Variants in CHFR observed in about 807,000 individuals in gnomAD.
The protein encoded by CHFR is checkpoint with forkhead and ring finger domains.
Under a neutral mutation model 87.6 loss-of-function variants are expected in CHFR, and 57 were observed. The observed-to-expected ratio is 0.65, with a 90% CI of 0.53 to 0.81. CHFR has a LOEUF of 0.81. Among genes scored for constraint, CHFR ranks in the 30% least tolerant of loss-of-function variants. The pLI is 0.00. For missense variants in CHFR, 797 were observed against 865.8 expected (o/e 0.92, Z 1.00); for synonymous variants, 381 against 359.2 (o/e 1.06, Z -0.69).
At chr12:132,875,107 C>T (rs1489861641) in intron 3 of CHFR, among the ~76,000 whole-genome samples, 1 of 152,276 alleles carries the variant, frequency 6.6e-6, no homozygotes, top group Non-Finnish European at 1.5e-5. Flanking sequence ...GGGACCAGCA[C>T]CCTGCCTTTC....
Position 132,835,677 on chromosome 12 carries a change from A to C in CHFR, c.*5877T>G. On this transcript the variant is annotated 3_prime_UTR_variant, in exon 18 of 18. Transcript: ENST00000450056. ...CTGATCTCAGAGTTCCAGGCCCCAG[A>C]ACTGTGAGAAAATACTTTCTGTTGT... is the stretch of plus-strand genomic sequence containing the variant. 4.4e-6 allele frequency: 1 copy of C among 225,422 alleles called. No individual in the cohort carries two copies. Among genetic ancestry groups the C allele is most frequent in the Non-Finnish European group, 9.0e-6 (1 of 111,052 alleles). The allele number at this position is 225,422 out of a possible 1,614,324, so 14.0% of individuals were successfully genotyped here. A position where few individuals can be genotyped will look rare whatever the true frequency, so the allele number is the denominator to read the frequency against.
At chr12:132,848,352 C>A in intron 13 of CHFR, 197 bp from the exon 14 acceptor site, 2 of 1,009,708 alleles carry the variant, frequency 2.0e-6, no homozygotes, top group Non-Finnish European at 1.5e-6. Context: ...AAAAGATCAG[C>A]TCTCCGAGTC....
intron 2 of CHFR, among the ~76,000 whole-genome samples, chr12:132,879,395 C>CTT (rs1186711276): frequency 1.4e-3 from 184 of 134,198 alleles, no homozygotes; most frequent in African/African-American, 4.8e-3. Flanking sequence ...TTTTTTTTTT[C>CTT]TTTTTTTTTT....
chr12:132,857,702 G>A (rs776373151), intron 8 of CHFR, 143 bp from the exon 9 acceptor site: 85 of 748,400 alleles, frequency 1.1e-4, no homozygotes, highest in Non-Finnish European at 1.6e-4. Flanking sequence ...AGTCAGTCTT[G>A]GTTAATGAAA....
At chr12:132,844,439 C>G (rs1300672778) in intron 15 of CHFR, among the ~76,000 whole-genome samples, 2 of 149,222 alleles carry the variant, frequency 1.3e-5, no homozygotes, top group African/African-American at 4.9e-5. Context: ...TGCCCGCCAC[C>G]ACACCGGGCT....
chr12:132,877,462 C>G (rs1951654724), intron 3 of CHFR, 93 bp downstream of exon 3: 3 of 716,018 alleles, frequency 4.2e-6, no homozygotes, highest in African/African-American at 3.6e-5. Context: ...AGCATTTCTT[C>G]TCCTCCTCAG....
chr12:132,847,178 G>A, intron 14 of CHFR, 48 bp from the exon 15 acceptor site: 1 of 1,608,454 alleles, frequency 6.2e-7, no homozygotes, highest in Non-Finnish European at 8.5e-7. Flanking sequence ...TTTAGAGGAA[G>A]AAACACTGAA....
chr12:132,881,088 G>A (rs1951758500), intron 2 of CHFR, among the ~76,000 whole-genome samples: 1 of 152,086 alleles, frequency 6.6e-6, no homozygotes, highest in African/African-American at 2.4e-5. Context: ...CCAACAGGAT[G>A]AGACCCCATC....
intron 2 of CHFR, among the ~76,000 whole-genome samples, chr12:132,879,922 T>C (rs1951728886): frequency 6.6e-6 from 1 of 152,240 alleles, no homozygotes; most frequent in Non-Finnish European, 1.5e-5. Flanking sequence ...TGCTTTAGCC[T>C]GAGCCTTGCT....
chr12:132,848,518 A>G, intron 13 of CHFR, 123 bp downstream of exon 13: 2 of 757,990 alleles, frequency 2.6e-6, no homozygotes, highest in Admixed American at 2.4e-5. Flanking sequence ...GTATCATTTG[A>G]TGACCAACAG....
chr12:132,862,337 A>T, intron 6 of CHFR: 1 of 390,604 alleles, frequency 2.6e-6, no homozygotes, highest in Non-Finnish European at 5.0e-6. Flanking sequence ...TCACACCTGT[A>T]ATCACAATAC....
At chr12:132,863,513 C>T (rs571172452) in intron 6 of CHFR, among the ~76,000 whole-genome samples, 24 of 151,982 alleles carry the variant, frequency 1.6e-4, no homozygotes, top group African/African-American at 5.5e-4. Flanking sequence ...CTCAAAAAAA[C>T]AAAGTAAAAC....
chr12:132,884,658 GAGCA>G (rs1020122472), intron 2 of CHFR, among the ~76,000 whole-genome samples: 1 of 152,128 alleles, frequency 6.6e-6, no homozygotes, highest in African/African-American at 2.4e-5. Flanking sequence ...GAGGCAGAGA[GAGCA>G]AGCAGAGTCC....
At position 132,870,820 on chromosome 12, in the gene CHFR, C is replaced by G. The variant is rs756661742; in HGVS notation, c.344-37G>C. 4 of 1,409,596 alleles carry G rather than the reference C, an allele frequency of 2.8e-6. No individual in the cohort carries two copies. The East Asian group carries it at 9.2e-5, about 32-fold the overall frequency. The allele number at this position is 1,409,596 out of a possible 1,614,324, so 87.3% of individuals were successfully genotyped here. On this transcript the variant is annotated intron_variant, in intron 4 of 17. Transcript: ENST00000450056. The stretch of plus-strand genomic sequence containing the variant: ...TCAATCAAATCAGAAAAGTGGTGGC[C>G]CCTGTGCAAACTGAGAACTCATTTT...
At chr12:132,848,013 T>C in intron 14 of CHFR, 72 bp downstream of exon 14, 1 of 1,610,098 alleles carries the variant, frequency 6.2e-7, no homozygotes, top group Non-Finnish European at 8.5e-7. Flanking sequence ...ACCAATAGAA[T>C]GCAGAGAACC....
chr12:132,847,421 G>C (rs1950854366), intron 14 of CHFR: 1 of 1,180,118 alleles, frequency 8.5e-7, no homozygotes, highest in Non-Finnish European at 1.1e-6. Flanking sequence ...TGAAAGCCAG[G>C]CCACAGTGCA....
rs1279914381 is a variant in CHFR, at chr12:132,836,633, T to C, written c.*4921A>G. On this transcript the variant is annotated 3_prime_UTR_variant, in exon 18 of 18. Coordinates refer to ENST00000450056, the MANE Select transcript of CHFR (RefSeq NM_001161346.2). ...CCTTCAACATTCTCTCCTGAGTCCA[T>C]TCCTTCCACAGACATGCACGACCAA... The C allele has an allele frequency of 6.6e-6, 3 of 455,950 alleles. No homozygotes were observed. The highest frequency in any genetic ancestry group is 1.3e-5 in the Non-Finnish European group (3 of 226,804). 28.2% of individuals were successfully genotyped at this position (455,950 alleles called of 1,614,324 possible).
At position 132,862,173 on chromosome 12, in the gene CHFR, G is replaced by C. The variant is rs181632183; in HGVS notation, c.584-539C>G. ...GCATGTAGTCCCAGCTACTCAAGAG[G>C]CTGAGGCAGAAAAATTGCTTGAACC... On this transcript the variant is annotated intron_variant, in intron 6 of 17. Coordinates refer to ENST00000450056, the MANE Select transcript of CHFR (RefSeq NM_001161346.2). Among the ~76,000 whole-genome samples, 3 of 152,234 alleles carry C rather than the reference G, an allele frequency of 2.0e-5. No individual in the cohort carries two copies. The East Asian group carries it at 5.8e-4, about 29-fold the overall frequency.
At position 132,836,749 on chromosome 12, in the gene CHFR, A is replaced by AG; in HGVS notation, c.*4804dup. On this transcript the variant is annotated 3_prime_UTR_variant, in exon 18 of 18. Transcript: ENST00000450056. ...ACCGTGAAAAGTGAGCGACAGAGGA[A>AG]GGGGCGCCTGTTTGTGCCGCGGGAA... The AG allele has an allele frequency of 2.2e-6, 1 of 456,074 alleles. No homozygotes were observed. The highest frequency in any genetic ancestry group is 4.4e-6 in the Non-Finnish European group (1 of 226,802). The allele number at this position is 456,074 out of a possible 1,614,324, so 28.3% of individuals were successfully genotyped here. A position where few individuals can be genotyped will look rare whatever the true frequency, so the allele number is the denominator to read the frequency against.
Sources: gnomAD v4.1 joint callset for allele counts (sites outside exome capture counted in the v4.1 genomes callset) on GRCh38, gnomAD v4.1.1 for gene constraint, MANE v1.5 for transcripts, NCBI Gene and HGNC (gene_info 2026-07-23, HGNC 2026-07-21) for gene names.